Variants in BBS9 observed in about 807,000 individuals in gnomAD.
BBS9 encodes the protein Bardet-Biedl syndrome 9.
Under a neutral mutation model 117.7 loss-of-function variants are expected in BBS9, and 89 were observed. That is an observed-to-expected ratio of 0.76 (90% CI 0.64 to 0.90). BBS9 has a LOEUF of 0.90. Among genes scored for constraint, BBS9 ranks in the 40% least tolerant of loss-of-function variants. BBS9 has a pLI of 0.00. For synonymous variants in BBS9, 379 were observed against 370.9 expected (o/e 1.02, Z -0.25); for missense variants, 982 against 1,042.2 (o/e 0.94, Z 0.80).
chr7:33,587,616 G>T (rs1343211937), intron 21 of BBS9, among the ~76,000 whole-genome samples: 1 of 151,992 alleles, frequency 6.6e-6, no homozygotes, highest in African/African-American at 2.4e-5. Flanking sequence ...GTAGAGCTGG[G>T]GTTAGTCCAA....
At chr7:33,250,163 TA>T (rs1290395436) in intron 5 of BBS9, among the ~76,000 whole-genome samples, 4 of 152,236 alleles carry the variant, frequency 2.6e-5, no homozygotes, top group African/African-American at 9.6e-5. Flanking sequence ...TGTCACTTTC[TA>T]ATTCTTTGAC....
chr7:33,274,088 A>G (rs1800300430), intron 9 of BBS9, 132 bp downstream of exon 9: 1 of 929,218 alleles, frequency 1.1e-6, no homozygotes, highest in East Asian at 2.7e-5. Context: ...TGTCAATAAT[A>G]AAAGTAATTT....
At chr7:33,529,101 A>G (rs1850152530) in intron 20 of BBS9, among the ~76,000 whole-genome samples, 1 of 152,208 alleles carries the variant, frequency 6.6e-6, no homozygotes, top group South Asian at 2.1e-4. Context: ...AGACTAGGCA[A>G]GGCCAGGTCC....
intron 21 of BBS9, among the ~76,000 whole-genome samples, chr7:33,633,510 CTTTTTTTTTTT>C (rs894796851): frequency 1.0e-5 from 1 of 98,462 alleles, no homozygotes; most frequent in Non-Finnish European, 2.1e-5. Context: ...TAACTTTTTT[CTTTTTTTTTTT>C]TTTTTTTTTG....
intron 4 of BBS9, among the ~76,000 whole-genome samples, chr7:33,163,797 A>G (rs186625268): frequency 4.4e-4 from 67 of 152,094 alleles, no homozygotes; most frequent in African/African-American, 1.3e-3. Flanking sequence ...GGATTCACTG[A>G]TTTTTTGAAG....
chr7:33,571,631 A>AT (rs1015009955), intron 21 of BBS9, among the ~76,000 whole-genome samples: 3 of 151,974 alleles, frequency 2.0e-5, no homozygotes, highest in East Asian at 1.9e-4. Context: ...GGAAGTTTAT[A>AT]TTTTTTTATA....
At chr7:33,401,883 G>A (rs1828977084) in intron 19 of BBS9, among the ~76,000 whole-genome samples, 1 of 152,152 alleles carries the variant, frequency 6.6e-6, no homozygotes, top group Non-Finnish European at 1.5e-5. Flanking sequence ...ATTTGACAAA[G>A]AAACATATTT....
chr7:33,379,117 C>G (rs1016870295), intron 17 of BBS9, among the ~76,000 whole-genome samples: 11 of 152,246 alleles, frequency 7.2e-5, no homozygotes, highest in African/African-American at 2.7e-4. Flanking sequence ...TTCAGACGTA[C>G]TACGTTCCTC....
chr7:33,587,204 T>A (rs974517386), intron 21 of BBS9, among the ~76,000 whole-genome samples: 5 of 152,104 alleles, frequency 3.3e-5, no homozygotes, highest in Non-Finnish European at 1.5e-5. Context: ...CACCCTGTCA[T>A]CCCTATACCT....
chr7:33,437,611 T>G (rs560001005), intron 19 of BBS9, among the ~76,000 whole-genome samples: 1 of 152,280 alleles, frequency 6.6e-6, no homozygotes, highest in South Asian at 2.1e-4. Flanking sequence ...CAGTGCCTCA[T>G]GCCTGTAATC....
chr7:33,274,732 C>T (rs561360665), intron 9 of BBS9, among the ~76,000 whole-genome samples: 8 of 152,118 alleles, frequency 5.3e-5, no homozygotes, highest in Admixed American at 1.3e-4. Context: ...CAGTGGCTCA[C>T]GCCTGTAATC....
intron 16 of BBS9, among the ~76,000 whole-genome samples, chr7:33,359,821 A>G (rs886930214): frequency 1.3e-5 from 2 of 152,128 alleles, no homozygotes; most frequent in Non-Finnish European, 1.5e-5. Flanking sequence ...GTGAACAAAT[A>G]TAGGTATATT....
At chr7:33,333,047 G>T (rs1166916743) in intron 9 of BBS9, among the ~76,000 whole-genome samples, 1 of 151,866 alleles carries the variant, frequency 6.6e-6, no homozygotes, top group Admixed American at 6.6e-5. Context: ...CTACAAATCT[G>T]ACTACTCTAG....
At chr7:33,180,938 A>G (rs1282277669) in intron 5 of BBS9, among the ~76,000 whole-genome samples, 2 of 152,188 alleles carry the variant, frequency 1.3e-5, no homozygotes, top group East Asian at 1.9e-4. Context: ...GGTAAGAAAC[A>G]TCATAAAGGC....
intron 5 of BBS9, among the ~76,000 whole-genome samples, chr7:33,196,585 T>C (rs1784982596): frequency 6.6e-6 from 1 of 152,206 alleles, no homozygotes; most frequent in Non-Finnish European, 1.5e-5. Context: ...CCTTATTTTC[T>C]CATACATGTG....
At chr7:33,470,651 G>A (rs561359201) in intron 19 of BBS9, among the ~76,000 whole-genome samples, 2 of 152,202 alleles carry the variant, frequency 1.3e-5, no homozygotes, top group East Asian at 3.9e-4. Flanking sequence ...GCAAAGCCAG[G>A]GAGGCAGAAA....
At chr7:33,237,296 A>T (rs1185429000) in intron 5 of BBS9, among the ~76,000 whole-genome samples, 1 of 152,190 alleles carries the variant, frequency 6.6e-6, no homozygotes, top group Non-Finnish European at 1.5e-5. Flanking sequence ...AGTTACACGG[A>T]CATCTTTTCA....
chr7:33,360,355 CAAT>C (rs950677802), intron 16 of BBS9, among the ~76,000 whole-genome samples: 16 of 152,008 alleles, frequency 1.1e-4, no homozygotes, highest in African/African-American at 3.4e-4. Context: ...ACCCTAACAA[CAAT>C]GTTTGAATAA....
At chr7:33,325,019 C>T (rs1267735577) in intron 9 of BBS9, among the ~76,000 whole-genome samples, 1 of 152,144 alleles carries the variant, frequency 6.6e-6, no homozygotes, top group Non-Finnish European at 1.5e-5. Context: ...TGATATCTTT[C>T]TCTAGGTTTG....
Sources: gnomAD v4.1 joint callset for allele counts (sites outside exome capture counted in the v4.1 genomes callset) on GRCh38, gnomAD v4.1.1 for gene constraint, MANE v1.5 for transcripts, NCBI Gene and HGNC (gene_info 2026-07-23, HGNC 2026-07-21) for gene names.